ERBB4: variants seen among roughly 807,000 people sequenced by gnomAD.
ERBB4 encodes the protein receptor tyrosine-protein kinase erbB-4.
In ERBB4, 42 loss-of-function variants were observed where a neutral mutation model predicts 158.0. The ratio of observed to expected loss-of-function variants is 0.27; its 90% confidence interval spans 0.21 to 0.34. The LOEUF (loss-of-function observed/expected upper bound fraction) is 0.34. Ranked by LOEUF, ERBB4 falls within the 10% of genes least tolerant of loss-of-function variation. ERBB4 has a pLI of 1.00. For synonymous variants in ERBB4, 583 were observed against 558.7 expected, an observed-to-expected ratio of 1.04 and a Z score of -0.61; for missense variants, 1,333 against 1,624.1, an observed-to-expected ratio of 0.82 and a Z score of 3.08.
intron 13 of ERBB4, among the ~76,000 whole-genome samples, chr2:211,675,155 C>T (rs1426150924): frequency 6.6e-6 from 1 of 152,062 alleles, no homozygotes; most frequent in African/African-American, 2.4e-5. Flanking sequence ...CAGAGTCACC[C>T]TTTCACTTGA....
At chr2:212,343,085 A>G (rs2088802427) in intron 1 of ERBB4, among the ~76,000 whole-genome samples, 1 of 152,154 alleles carries the variant, frequency 6.6e-6, no homozygotes, top group Non-Finnish European at 1.5e-5. Context: ...AATTTGATAG[A>G]GTCTATTTTT....
intron 20 of ERBB4, among the ~76,000 whole-genome samples, chr2:211,477,479 T>G (rs2064984463): frequency 6.6e-6 from 1 of 152,110 alleles, no homozygotes; most frequent in African/African-American, 2.4e-5. Flanking sequence ...ATACAGTGTT[T>G]GGGGATGTTC....
intron 2 of ERBB4, among the ~76,000 whole-genome samples, chr2:212,046,557 G>A (rs1160715453): frequency 6.6e-6 from 1 of 152,178 alleles, no homozygotes; most frequent in Non-Finnish European, 1.5e-5. Flanking sequence ...CAGTATTGAT[G>A]TATTTATCAT....
At chr2:211,526,573 T>A (rs749179638) in intron 20 of ERBB4, among the ~76,000 whole-genome samples, 14 of 152,052 alleles carry the variant, frequency 9.2e-5, no homozygotes, top group Non-Finnish European at 2.1e-4. Flanking sequence ...GCCCAGACAG[T>A]GATCCCACCA....
chr2:211,696,148 T>G (rs1002465136), intron 12 of ERBB4, among the ~76,000 whole-genome samples: 4 of 150,938 alleles, frequency 2.7e-5, no homozygotes, highest in African/African-American at 9.7e-5. Flanking sequence ...CCTCACTTTG[T>G]TGCCCAGGCT....
intron 16 of ERBB4, among the ~76,000 whole-genome samples, chr2:211,645,681 G>T (rs975317130): frequency 6.6e-6 from 1 of 151,580 alleles, no homozygotes; most frequent in Non-Finnish European, 1.5e-5. Context: ...ACTTGCAGCC[G>T]TACTTTGATG....
chr2:211,729,555 C>T (rs538383688), intron 5 of ERBB4, among the ~76,000 whole-genome samples: 5 of 151,696 alleles, frequency 3.3e-5, no homozygotes, highest in Admixed American at 2.6e-4. Flanking sequence ...GAAAACATTC[C>T]CTTTGTACAA....
chr2:211,523,670 G>A (rs1400054732), intron 20 of ERBB4, among the ~76,000 whole-genome samples: 1 of 152,034 alleles, frequency 6.6e-6, no homozygotes, highest in Non-Finnish European at 1.5e-5. Context: ...GGCTTCAGGA[G>A]TGAAGCTGCA....
At chr2:211,903,424 T>C (rs1253833460) in intron 3 of ERBB4, among the ~76,000 whole-genome samples, 1 of 152,028 alleles carries the variant, frequency 6.6e-6, no homozygotes, top group Non-Finnish European at 1.5e-5. Flanking sequence ...AAGCAAAATA[T>C]GAAAATCTAA....
chr2:212,327,303 G>A (rs1473170330), intron 1 of ERBB4, among the ~76,000 whole-genome samples: 1 of 151,946 alleles, frequency 6.6e-6, no homozygotes, highest in African/African-American at 2.4e-5. Context: ...TTTTATAGAT[G>A]AGTAAATTAT....
chr2:212,097,768 A>G (rs1201520094), intron 2 of ERBB4, among the ~76,000 whole-genome samples: 2 of 152,222 alleles, frequency 1.3e-5, no homozygotes, highest in African/African-American at 2.4e-5. Context: ...AAATGTTGCA[A>G]AAGATAATGA....
chr2:212,258,457 T>G (rs2084820582), intron 1 of ERBB4, among the ~76,000 whole-genome samples: 1 of 151,668 alleles, frequency 6.6e-6, no homozygotes, highest in Admixed American at 6.6e-5. Context: ...AACAGTTTAC[T>G]TTCCAAATAA....
At chr2:211,961,349 A>C (rs1283361057) in intron 2 of ERBB4, among the ~76,000 whole-genome samples, 1 of 152,134 alleles carries the variant, frequency 6.6e-6, no homozygotes, top group Non-Finnish European at 1.5e-5. Context: ...TTTTTATAAA[A>C]ATGGAGTTTC....
chr2:211,466,641 T>C (rs997915933), intron 20 of ERBB4, among the ~76,000 whole-genome samples: 1 of 152,174 alleles, frequency 6.6e-6, no homozygotes, highest in Non-Finnish European at 1.5e-5. Flanking sequence ...CTAGTTATTA[T>C]TAATTTCTCA....
intron 1 of ERBB4, among the ~76,000 whole-genome samples, chr2:212,158,747 A>C (rs1356580109): frequency 1.3e-5 from 2 of 152,064 alleles, no homozygotes; most frequent in African/African-American, 4.8e-5. Context: ...GCAGAGGCTC[A>C]TTAAATATCT....
chr2:211,666,155 T>C (rs1258509748), intron 14 of ERBB4, among the ~76,000 whole-genome samples: 1 of 152,174 alleles, frequency 6.6e-6, no homozygotes, highest in Non-Finnish European at 1.5e-5. Flanking sequence ...CTTTATTTCA[T>C]ATCCACTGTG....
chr2:212,396,815 T>C (rs1231168964), intron 1 of ERBB4, among the ~76,000 whole-genome samples: 1 of 152,172 alleles, frequency 6.6e-6, no homozygotes, highest in Non-Finnish European at 1.5e-5. Flanking sequence ...TTGTGATTTT[T>C]ACTCCTCAAT....
intron 12 of ERBB4, among the ~76,000 whole-genome samples, chr2:211,684,243 G>A (rs1355326263): frequency 6.6e-6 from 1 of 152,112 alleles, no homozygotes; most frequent in East Asian, 1.9e-4. Context: ...TCTGAAGTCA[G>A]GAGTTTGAGA....
rs531347308 is a variant in ERBB4 at position 211,945,681 on chromosome 2, G to T, written c.421+1749C>A. Among the ~76,000 whole-genome samples the T allele has an allele frequency of 2.0e-5, 3 of 151,964 alleles. 1 individual carries two copies. The South Asian group carries it at 6.2e-4, about 32-fold the overall frequency. ...AGTAATACAAGTTATGCACTTACTC[G>T]GTATGAAGTATGTTTAAATGTGGCA... is the stretch of plus-strand genomic sequence containing the variant. On this transcript the variant is annotated intron_variant, in intron 3 of 27. Transcript: ENST00000342788.
Sources: gnomAD v4.1 joint callset for allele counts (sites outside exome capture counted in the v4.1 genomes callset) on GRCh38, gnomAD v4.1.1 for gene constraint, MANE v1.5 for transcripts, NCBI Gene and HGNC (gene_info 2026-07-23, HGNC 2026-07-21) for gene names.